The following POU6F2 variants were observed in gnomAD, a reference collection of about 807,000 sequenced individuals.
POU6F2 encodes the protein POU domain, class 6, transcription factor 2.
In POU6F2, 31 loss-of-function variants were observed where a neutral mutation model predicts 71.3. The observed-to-expected ratio is 0.43, with a 90% confidence interval of 0.33 to 0.59. The LOEUF is 0.59. Ranked by LOEUF, POU6F2 falls within the 20% of genes least tolerant of loss-of-function variation. The pLI is 0.04. For synonymous variants in POU6F2, 347 were observed against 355.7 expected, an observed-to-expected ratio of 0.98 and a Z score of 0.27; for missense variants, 783 against 856.8, an observed-to-expected ratio of 0.91 and a Z score of 1.07.
At chr7:39,252,035 C>T (rs534030784) in intron 4 of POU6F2, among the ~76,000 whole-genome samples, 1 of 152,216 alleles carries the variant, frequency 6.6e-6, no homozygotes, top group South Asian at 2.1e-4. Context: ...TCCTGTCCGC[C>T]CAATTTCTAT....
chr7:39,444,542 C>T (rs1369749593), intron 7 of POU6F2, among the ~76,000 whole-genome samples: 1 of 152,242 alleles, frequency 6.6e-6, no homozygotes, highest in Non-Finnish European at 1.5e-5. Flanking sequence ...CGAGATCGCA[C>T]CACTGCACTC....
intron 2 of POU6F2, among the ~76,000 whole-genome samples, chr7:39,116,854 T>C (rs925837517): frequency 4.6e-5 from 7 of 152,170 alleles, no homozygotes; most frequent in African/African-American, 1.7e-4. Flanking sequence ...AAGAGTAAAA[T>C]TGCACATCAC....
rs566134124 is a variant in POU6F2 at position 39,330,420 on chromosome 7, G to A, written c.599-9222G>A. On this transcript the variant is annotated intron_variant, in intron 4 of 9. Transcript: ENST00000518318. ...CCCTTCCCCTCCTCCCTCCCACCAA[G>A]CATTCCCTTCCACGTGGTCAAGGAT... Among the ~76,000 whole-genome samples, 6 of 152,158 alleles carry A rather than the reference G, an allele frequency of 3.9e-5. No homozygotes were observed. In the South Asian group the frequency reaches 8.3e-4, roughly 21 times the overall value.
chr7:39,382,022 G>A (rs1337065324), intron 5 of POU6F2, among the ~76,000 whole-genome samples: 2 of 151,628 alleles, frequency 1.3e-5, no homozygotes, highest in Non-Finnish European at 2.9e-5. Context: ...CTTTGTAGCA[G>A]TTGAGAATCA....
intron 4 of POU6F2, among the ~76,000 whole-genome samples, chr7:39,286,488 C>T (rs1784652011): frequency 1.3e-5 from 2 of 152,158 alleles, no homozygotes; most frequent in African/African-American, 2.4e-5. Flanking sequence ...TCGAGTTACC[C>T]GTTCTGTAAA....
At chr7:39,071,800 T>C (rs1367392466) in intron 1 of POU6F2, among the ~76,000 whole-genome samples, 1 of 152,156 alleles carries the variant, frequency 6.6e-6, no homozygotes, top group Non-Finnish European at 1.5e-5. Context: ...GGTTTAAAAG[T>C]CTATTGAGGT....
At position 39,085,970 on chromosome 7, in the gene POU6F2, T is replaced by A; in HGVS notation, c.216T>A (p.Asn72Lys). 1 of 1,613,718 alleles carries A rather than the reference T, an allele frequency of 6.2e-7. No homozygotes were observed. Among genetic ancestry groups the A allele is most frequent in the South Asian group, 1.1e-5 (1 of 91,076 alleles). Residue 72 changes from asparagine to lysine, a missense_variant, in exon 2 of 10, where the codon AAT becomes AAA. By Grantham distance (94) the Asn-to-Lys change is moderately conservative. Coordinates refer to ENST00000518318, the MANE Select transcript of POU6F2 (RefSeq NM_001370959.1). ...DKAATSDSEL[N>K]EPLLAPVESN... ...CTGCTACTTCAGACAGCGAGCTGAA[T>A]GAGCCCCTGCTTGCGCCTGTGGAAT... is the stretch of plus-strand genomic sequence containing the variant.
At chr7:39,257,437 C>T (rs902445513) in intron 4 of POU6F2, among the ~76,000 whole-genome samples, 10 of 151,952 alleles carry the variant, frequency 6.6e-5, no homozygotes, top group East Asian at 1.9e-4. Context: ...AATTCCTATT[C>T]GTATTGGTTT....
intron 7 of POU6F2, among the ~76,000 whole-genome samples, chr7:39,443,620 G>T (rs1017612255): frequency 1.3e-5 from 2 of 152,174 alleles, no homozygotes; most frequent in Non-Finnish European, 2.9e-5. Flanking sequence ...TAACAAGTTG[G>T]GCAAATTGAC....
At chr7:39,217,126 G>A (rs1024515157) in intron 4 of POU6F2, among the ~76,000 whole-genome samples, 4 of 151,986 alleles carry the variant, frequency 2.6e-5, no homozygotes, top group South Asian at 2.1e-4. Context: ...GCCAAGGTTC[G>A]GTTTATGGGT....
intron 1 of POU6F2, among the ~76,000 whole-genome samples, chr7:38,989,397 A>G (rs1012156461): frequency 6.6e-6 from 1 of 152,024 alleles, no homozygotes; most frequent in Admixed American, 6.6e-5. Flanking sequence ...TATTAAAATT[A>G]TCACCTTTAG....
Position 39,006,705 on chromosome 7 carries a change from A to G in POU6F2, c.105+28647A>G, listed in dbSNP as rs75018150. The G allele has an allele frequency of 9.2e-3, 7,233 of 785,882 alleles. 67 individuals are homozygous for G. Among genetic ancestry groups the G allele is most frequent in the South Asian group, 0.024 (1,553 of 65,872 alleles). 48.7% of individuals were successfully genotyped at this position (785,882 alleles called of 1,614,324 possible). A position where few individuals can be genotyped will look rare whatever the true frequency, so the allele number is the denominator to read the frequency against. ...AAAAGCATGTGTGTCATTTCAGCTG[A>G]GTTTTCTTTGCAATGTCATCATTTA... is the stretch of plus-strand genomic sequence containing the variant. On this transcript the variant is annotated intron_variant, in intron 1 of 9. Coordinates refer to ENST00000518318, the MANE Select transcript of POU6F2 (RefSeq NM_001370959.1).
intron 1 of POU6F2, among the ~76,000 whole-genome samples, chr7:39,033,464 A>G (rs984937237): frequency 2.0e-5 from 3 of 152,204 alleles, no homozygotes; most frequent in Non-Finnish European, 2.9e-5. Flanking sequence ...AATATATCAG[A>G]AGTCAAAAGT....
At chr7:39,060,875 G>T (rs1477124246) in intron 1 of POU6F2, among the ~76,000 whole-genome samples, 7 of 151,870 alleles carry the variant, frequency 4.6e-5, no homozygotes, top group Non-Finnish European at 4.4e-5. Context: ...GGAGTTCAAG[G>T]CTGTAGGGTG....
intron 2 of POU6F2, among the ~76,000 whole-genome samples, chr7:39,128,216 A>G (rs1437044777): frequency 1.3e-5 from 2 of 152,176 alleles, no homozygotes; most frequent in East Asian, 1.9e-4. Context: ...AGAAAATATC[A>G]TGTATATGTA....
chr7:39,217,477 C>T (rs1215896889), intron 4 of POU6F2, among the ~76,000 whole-genome samples: 2 of 152,090 alleles, frequency 1.3e-5, no homozygotes, highest in Non-Finnish European at 2.9e-5. Context: ...GTTGCATCTC[C>T]GCTGACATCA....
chr7:39,437,564 A>T (rs1788278398), intron 7 of POU6F2, among the ~76,000 whole-genome samples: 1 of 151,900 alleles, frequency 6.6e-6, no homozygotes, highest in African/African-American at 2.4e-5. Context: ...AATTTTTTTC[A>T]AAAAACCAGC....
chr7:39,335,467 C>T (rs987272402), intron 4 of POU6F2, among the ~76,000 whole-genome samples: 6 of 152,142 alleles, frequency 3.9e-5, no homozygotes, highest in African/African-American at 7.2e-5. Context: ...AGCCACGGAG[C>T]GCATCTTTCT....
intron 5 of POU6F2, among the ~76,000 whole-genome samples, chr7:39,368,033 T>A (rs901405803): frequency 6.6e-6 from 1 of 152,192 alleles, no homozygotes; most frequent in Non-Finnish European, 1.5e-5. Context: ...CCTGAGGCAC[T>A]ACAATGTTGA....
Sources: gnomAD v4.1 joint callset for allele counts (sites outside exome capture counted in the v4.1 genomes callset) on GRCh38, gnomAD v4.1.1 for gene constraint, MANE v1.5 for transcripts, NCBI Gene and HGNC (gene_info 2026-07-23, HGNC 2026-07-21) for gene names.